Variants in ENPP1 observed in about 807,000 individuals in gnomAD.
The protein encoded by ENPP1 is ectonucleotide pyrophosphatase/phosphodiesterase family member 1.
Under a neutral mutation model 122.8 loss-of-function variants are expected in ENPP1, and 73 were observed. That is an observed-to-expected ratio of 0.59 (90% CI 0.49 to 0.72). ENPP1 has a LOEUF of 0.72. Ranked by LOEUF, ENPP1 falls within the 30% of genes least tolerant of loss-of-function variation. The pLI, the probability that ENPP1 is intolerant of heterozygous loss-of-function variation, is 0.00. For missense variants in ENPP1, 978 were observed against 1,128.1 expected (o/e 0.87, Z 1.91); for synonymous variants, 367 against 391.6 (o/e 0.94, Z 0.74).
intron 1 of ENPP1, among the ~76,000 whole-genome samples, chr6:131,840,913 G>T (rs1182536940): frequency 6.6e-6 from 1 of 152,184 alleles, no homozygotes; most frequent in Non-Finnish European, 1.5e-5. Context: ...TTCACTGAGA[G>T]ATTGTGAGAT....
Position 131,893,124 on chromosome 6 carries a change from T to C in ENPP1, c.*2613T>C, listed in dbSNP as rs574243615. Reference sequence around the variant, plus strand: ...GCATTTAGCAGAAGGATGTCTACTCTGCCTTTGTAGAAGTGTCTCACTGAT... The same window carrying C: ...GCATTTAGCAGAAGGATGTCTACTCCGCCTTTGTAGAAGTGTCTCACTGAT... On this transcript the variant is annotated 3_prime_UTR_variant, in exon 25 of 25. Transcript: ENST00000647893. 1 of 152,288 alleles carries C rather than the reference T, an allele frequency of 6.6e-6. No homozygotes were observed. Among genetic ancestry groups the C allele is most frequent in the African/African-American group, 2.4e-5 (1 of 41,546 alleles). The allele number at this position is 152,288 out of a possible 1,614,324, so 9.4% of individuals were successfully genotyped here. A position where few individuals can be genotyped will look rare whatever the true frequency, so the allele number is the denominator to read the frequency against.
chr6:131,869,006 G>A (rs1585830176), intron 12 of ENPP1, among the ~76,000 whole-genome samples: 1 of 152,188 alleles, frequency 6.6e-6, no homozygotes, highest in African/African-American at 2.4e-5. Context: ...GAATGAGAGT[G>A]AATCATACAC....
At chr6:131,862,561 A>C (rs888254361) in intron 9 of ENPP1, among the ~76,000 whole-genome samples, 1 of 152,078 alleles carries the variant, frequency 6.6e-6, no homozygotes, top group Non-Finnish European at 1.5e-5. Context: ...GGAGTTCGGG[A>C]AGTGGGGAAT....
intron 5 of ENPP1, 53 bp downstream of exon 5, chr6:131,852,288 ATTTT>A (rs1217752732): frequency 9.4e-7 from 1 of 1,066,470 alleles, no homozygotes; most frequent in East Asian, 2.4e-5. Flanking sequence ...GTACAGCATC[ATTTT>A]TTTCTTTCCA....
intron 1 of ENPP1, among the ~76,000 whole-genome samples, chr6:131,817,743 C>T (rs1781431888): frequency 9.9e-6 from 1 of 100,870 alleles, no homozygotes; most frequent in South Asian, 3.8e-4. Flanking sequence ...CTCTTTCTTT[C>T]TCTCTCTCCA....
intron 19 of ENPP1, 65 bp downstream of exon 19, chr6:131,878,658 C>G (rs375711368): frequency 1.1e-5 from 13 of 1,178,750 alleles, no homozygotes; most frequent in African/African-American, 4.5e-5. Context: ...GTGTGAAATG[C>G]AGAGAACTGG....
rs564304453 is a variant in ENPP1, at chr6:131,893,949, C to CTTTTTTTTTTTTT, written c.*3456_*3468dup. The CTTTTTTTTTTTTT allele has an allele frequency of 5.0e-5, 3 of 59,476 alleles. No individual in the cohort carries two copies. Among genetic ancestry groups the CTTTTTTTTTTTTT allele is most frequent in the African/African-American group, 6.9e-5 (1 of 14,552 alleles). 3.7% of individuals were successfully genotyped at this position (59,476 alleles called of 1,614,324 possible). On this transcript the variant is annotated 3_prime_UTR_variant, in exon 25 of 25. Transcript: ENST00000647893. Reference sequence around the variant, plus strand: ...GTGAAACCTTTATTTATCTTGATTTCTTTTTTTTTTTTTTTTTTTTTTTTT... The same window carrying CTTTTTTTTTTTTT: ...GTGAAACCTTTATTTATCTTGATTTCTTTTTTTTTTTTTTTTTTTTTTTTTTTTTTTTTTTTTT...
rs1782516819 is a variant in ENPP1 at position 131,894,349 on chromosome 6, G to GCT, written c.*3838_*3839insCT. 1.3e-5 allele frequency: 2 copies of GCT among 150,858 alleles called. No homozygotes were observed. Among genetic ancestry groups the GCT allele is most frequent in the South Asian group, 4.2e-4 (2 of 4,740 alleles). The allele number at this position is 150,858 out of a possible 1,614,324, so 9.3% of individuals were successfully genotyped here. ...GGCCCAGGCTAGACTGCAGTGGCAT[G>GCT]ATCTCGGCTCACTGCAACCTCCACC... On this transcript the variant is annotated 3_prime_UTR_variant, in exon 25 of 25. Coordinates refer to ENST00000647893, the MANE Select transcript of ENPP1 (RefSeq NM_006208.3).
At chr6:131,889,377 C>T (rs11963183) in intron 24 of ENPP1, among the ~76,000 whole-genome samples, 17,666 of 151,950 alleles carry the variant, frequency 0.12, 1,947 homozygotes, top group African/African-American at 0.29. Flanking sequence ...GATGCTCTCC[C>T]TCCTCCCACC....
chr6:131,814,178 G>A (rs1004228695), intron 1 of ENPP1, among the ~76,000 whole-genome samples: 6 of 152,172 alleles, frequency 3.9e-5, no homozygotes, highest in Non-Finnish European at 8.8e-5. Flanking sequence ...GGAGCATAGA[G>A]GCTAATGCCT....
At chr6:131,890,307 G>T (rs1487485009) in intron 24 of ENPP1, 34 bp from the exon 25 acceptor site, 2 of 1,579,050 alleles carry the variant, frequency 1.3e-6, no homozygotes, top group Non-Finnish European at 1.7e-6. Context: ...GTGTTCTCTT[G>T]GTAACTTTTC....
At chr6:131,863,750 CA>C (rs56823244) in intron 9 of ENPP1, among the ~76,000 whole-genome samples, 6,550 of 109,762 alleles carry the variant, frequency 0.06, 198 homozygotes, top group African/African-American at 0.12. Context: ...TACTAAAATA[CA>C]AAAAAAAAAA....
intron 12 of ENPP1, 98 bp from the exon 13 acceptor site, chr6:131,869,260 T>G (rs926067871): frequency 5.0e-6 from 6 of 1,195,386 alleles, no homozygotes; most frequent in Non-Finnish European, 6.1e-6. Context: ...ACACCCATGT[T>G]TAACGAATTT....
intron 17 of ENPP1, among the ~76,000 whole-genome samples, 185 bp from the exon 18 acceptor site, chr6:131,876,807 G>T (rs1464410065): frequency 1.3e-5 from 2 of 152,116 alleles, no homozygotes; most frequent in African/African-American, 2.4e-5. Flanking sequence ...ATACATATCA[G>T]TATTTCTATT....
chr6:131,826,611 G>T, intron 1 of ENPP1: 1 of 987,956 alleles, frequency 1.0e-6, no homozygotes, highest in Non-Finnish European at 1.6e-6. Flanking sequence ...CCAGGTCACA[G>T]CTGATCAGTT....
chr6:131,860,224 G>A (rs1782000306), intron 7 of ENPP1, among the ~76,000 whole-genome samples, 163 bp from the exon 8 acceptor site: 2 of 152,066 alleles, frequency 1.3e-5, no homozygotes, highest in Non-Finnish European at 2.9e-5. Flanking sequence ...AATCTTAAGA[G>A]GTTGCGTTTT....
chr6:131,863,750 C>CA lies in ENPP1; in HGVS notation c.1026-739dup, dbSNP rs56823244. Among the ~76,000 whole-genome samples, 523 of 109,824 alleles carry CA rather than the reference C, an allele frequency of 4.8e-3. 1 individual carries two copies. Among genetic ancestry groups the CA allele is most frequent in the Middle Eastern group, 0.02 (4 of 196 alleles). 72.0% of individuals were successfully genotyped at this position (109,824 alleles called of 152,430 possible). ...GTGAAACCCTGTCTCTACTAAAATA[C>CA]AAAAAAAAAAAAAAAAATTGCCAGG... is the stretch of plus-strand genomic sequence containing the variant. On this transcript the variant is annotated intron_variant, in intron 9 of 24. Coordinates refer to ENST00000647893, the MANE Select transcript of ENPP1 (RefSeq NM_006208.3).
chr6:131,854,641 T>C lies in ENPP1; in HGVS notation c.618-285T>C, dbSNP rs183123988. ...GTAGCTTTTGGAACAGCAGGAACCA[T>C]GAATGATGTTTCTGTATGGTGGCTC... is the stretch of plus-strand genomic sequence containing the variant. On this transcript the variant is annotated intron_variant, in intron 5 of 24. Transcript: ENST00000647893. 2.0e-5 allele frequency among the ~76,000 whole-genome samples: 3 copies of C among 152,276 alleles called. No individual in the cohort carries two copies. The East Asian group carries it at 5.8e-4, about 29-fold the overall frequency.
chr6:131,869,543 T>C (rs1782133267), intron 13 of ENPP1, 54 bp downstream of exon 13: 6 of 1,580,740 alleles, frequency 3.8e-6, no homozygotes, highest in Non-Finnish European at 5.2e-6. Context: ...AATACCTTCC[T>C]TTAGGCCGGG....
Sources: gnomAD v4.1 joint callset for allele counts (sites outside exome capture counted in the v4.1 genomes callset) on GRCh38, gnomAD v4.1.1 for gene constraint, MANE v1.5 for transcripts, NCBI Gene and HGNC (gene_info 2026-07-23, HGNC 2026-07-21) for gene names.